Variants in RLN2 observed in about 807,000 individuals in gnomAD.
RLN2 encodes relaxin 2.
RLN2 carries 10 observed loss-of-function variants against 7.3 expected under a neutral mutation model. The observed-to-expected ratio is 1.36, with a 90% CI of 0.84 to 2.31. The LOEUF is 2.31. RLN2 is among the 30% of genes most tolerant of loss of function. The probability of loss-of-function intolerance (pLI) is 0.00; values close to 1 mark genes in which losing one functional copy is unlikely to be tolerated. For missense variants in RLN2, 298 were observed against 217.6 expected (o/e 1.37, Z -2.32); for synonymous variants, 103 against 82.3 (o/e 1.25, Z -1.36).
chr9:5,313,848 G>C, the RLN2 span, among the ~76,000 whole-genome samples: 453 of 152,076 alleles, frequency 3.0e-3, 7 homozygotes, highest in Non-Finnish European at 2.1e-3. Context: ...TACATTAAAG[G>C]TGTATTAGAA....
chr9:5,322,018 A>G, the RLN2 span, among the ~76,000 whole-genome samples: 1 of 152,072 alleles, frequency 6.6e-6, no homozygotes, highest in African/African-American at 2.4e-5. Flanking sequence ...GACATAGCTG[A>G]GATCTGTGCA....
At chr9:5,308,787 G>T (rs1816298057), upstream of RLN2, among the ~76,000 whole-genome samples, 3 of 152,140 alleles carry the variant, frequency 2.0e-5, 1 homozygote, top group South Asian at 6.2e-4. Context: ...CCACTCAAGA[G>T]AGCCAGACAC....
the RLN2 span, among the ~76,000 whole-genome samples, chr9:5,327,086 C>A: frequency 1.3e-5 from 2 of 151,890 alleles, no homozygotes; most frequent in Admixed American, 1.3e-4. Flanking sequence ...TGAAGCAGGG[C>A]GAGGTGTCAC....
At chr9:5,301,831 G>C (rs946266941) in intron 1 of RLN2, among the ~76,000 whole-genome samples, 2 of 150,752 alleles carry the variant, frequency 1.3e-5, no homozygotes, top group Non-Finnish European at 2.9e-5. Context: ...TTTGACAGAG[G>C]AATAAAAAAA....
chr9:5,328,038 A>C, the RLN2 span, among the ~76,000 whole-genome samples: 1 of 152,048 alleles, frequency 6.6e-6, no homozygotes, highest in African/African-American at 2.4e-5. Flanking sequence ...CAGCAAGGGA[A>C]CAAAACTGGA....
At chr9:5,337,589 C>A in the RLN2 span, among the ~76,000 whole-genome samples, 29 of 151,878 alleles carry the variant, frequency 1.9e-4, no homozygotes, top group African/African-American at 6.3e-4. Flanking sequence ...AGTGTAATAA[C>A]GTGAAAGCAA....
chr9:5,336,871 T>A, the RLN2 span, among the ~76,000 whole-genome samples: 1 of 151,970 alleles, frequency 6.6e-6, no homozygotes, highest in Non-Finnish European at 1.5e-5. Flanking sequence ...ACCACGACCC[T>A]TCACCTAGAC....
At chr9:5,305,398 CACACAGAGAGAGAGAGAG>C (rs922840336), upstream of RLN2, among the ~76,000 whole-genome samples, 1 of 138,378 alleles carries the variant, frequency 7.2e-6, no homozygotes, top group Admixed American at 7.0e-5. Context: ...CACACACACA[CACACAGAGAGAGAGAGAG>C]AGAGAGAGAG....
the RLN2 span, among the ~76,000 whole-genome samples, chr9:5,336,015 C>T: frequency 1.4e-4 from 21 of 152,120 alleles, no homozygotes; most frequent in African/African-American, 4.6e-4. Context: ...TCTGATATTA[C>T]GAGTTGTAGT....
In RLN2 at chr9:5,304,356, G is replaced by A. The variant is rs1211597576; in HGVS notation, c.211+14C>T. On this transcript the variant is annotated intron_variant, in intron 1 of 1. Coordinates refer to ENST00000381627, the MANE Select transcript of RLN2 (RefSeq NM_134441.3). ...GGAAGCGCGGGAAGGCCGGGAGGGGGCGGGAGCTCTCACCTGCCACTGGTC... is the reference window on the plus strand; with the variant it reads ...GGAAGCGCGGGAAGGCCGGGAGGGGACGGGAGCTCTCACCTGCCACTGGTC... 5.1e-6 allele frequency: 8 copies of A among 1,557,912 alleles called. No individual in the cohort carries two copies. Among genetic ancestry groups the A allele is most frequent in the Admixed American group, 3.6e-5 (2 of 55,492 alleles).
At chr9:5,318,143 A>C in the RLN2 span, among the ~76,000 whole-genome samples, 1 of 151,948 alleles carries the variant, frequency 6.6e-6, no homozygotes, top group Non-Finnish European at 1.5e-5. Flanking sequence ...AAGTACTGGG[A>C]TTTACAGGCA....
Position 5,302,375 on chromosome 9 carries a change from T to C in RLN2, c.212-1931A>G, listed in dbSNP as rs551172695. On this transcript the variant is annotated intron_variant, in intron 1 of 1. Transcript: ENST00000381627. ...AAAAGGGATGCAGTGAATATGATTT[T>C]AGCACATATTGTAGGATGAAATGGA... Among the ~76,000 whole-genome samples, 4 of 152,326 alleles carry C rather than the reference T, an allele frequency of 2.6e-5. No individual in the cohort carries two copies. In the South Asian group the frequency reaches 8.3e-4, roughly 32 times the overall value.
the RLN2 span, among the ~76,000 whole-genome samples, chr9:5,329,671 A>G: frequency 2.0e-5 from 3 of 151,980 alleles, 1 homozygote; most frequent in Non-Finnish European, 4.4e-5. Flanking sequence ...GAAGGCCACT[A>G]CATAATGGTA....
chr9:5,329,251 C>T, the RLN2 span, among the ~76,000 whole-genome samples: 2,764 of 135,558 alleles, frequency 0.02, 98 homozygotes, highest in African/African-American at 0.072. Context: ...TGCAGTGAGC[C>T]GAGATTGCAC....
chr9:5,300,102 C>G lies in RLN2; in HGVS notation c.554G>C (p.Cys185Ser). The change falls in exon 2 of 2, where the codon TGC becomes TCC. Residue 185 changes from cysteine to serine, a missense_variant. By Grantham distance (112) the Cys-to-Ser change is moderately radical (BLOSUM62 -1). Transcript: ENST00000381627. ...GCTKRSLARF[C>S] ...ATGTGCACAATTAGCTTCATCTCAGCAAAATCTAGCAAGAGATCTTTTGGT... is the reference window on the plus strand; with the variant it reads ...ATGTGCACAATTAGCTTCATCTCAGGAAAATCTAGCAAGAGATCTTTTGGT... 3 of 1,590,174 alleles carry G rather than the reference C, an allele frequency of 1.9e-6. No homozygotes were observed. In the Admixed American group the frequency reaches 5.5e-5, roughly 29 times the overall value.
the RLN2 span, among the ~76,000 whole-genome samples, chr9:5,325,836 G>A: frequency 1.3e-5 from 2 of 152,086 alleles, no homozygotes; most frequent in South Asian, 4.2e-4. Context: ...ATATCTGAAA[G>A]GTGACATCAA....
upstream of RLN2, among the ~76,000 whole-genome samples, chr9:5,308,122 C>A (rs74976175): frequency 2.4e-4 from 37 of 151,918 alleles, no homozygotes; most frequent in South Asian, 4.4e-3. Flanking sequence ...CCAGTGCTGA[C>A]TCTCCCCAGA....
upstream of RLN2, among the ~76,000 whole-genome samples, chr9:5,307,300 GATA>G (rs753966752): frequency 5.4e-4 from 68 of 125,152 alleles, no homozygotes; most frequent in East Asian, 3.5e-3. Context: ...TAGATAGATA[GATA>G]GATAGATGAT....
the RLN2 span, among the ~76,000 whole-genome samples, chr9:5,332,583 C>T: frequency 6.8e-6 from 1 of 148,128 alleles, no homozygotes; most frequent in South Asian, 2.1e-4. Flanking sequence ...ATACTTGATG[C>T]TTTGTTATGG....
Sources: gnomAD v4.1 joint callset for allele counts (sites outside exome capture counted in the v4.1 genomes callset) on GRCh38, gnomAD v4.1.1 for gene constraint, MANE v1.5 for transcripts, NCBI Gene and HGNC (gene_info 2026-07-23, HGNC 2026-07-21) for gene names.